DR1: variants seen among roughly 807,000 people sequenced by gnomAD.
DR1 encodes the protein down-regulator of transcription 1.
Under a neutral mutation model 19.9 loss-of-function variants are expected in DR1, and 7 were observed. The ratio of observed to expected loss-of-function variants is 0.35; its 90% CI spans 0.20 to 0.66. The LOEUF is 0.66. Ranked by LOEUF, DR1 falls within the 30% of genes least tolerant of loss-of-function variation. The pLI is 0.66. For missense variants in DR1, 98 were observed against 203.7 expected (o/e 0.48, Z 3.16); for synonymous variants, 76 against 72.5 (o/e 1.05, Z -0.24).
Position 93,347,539 on chromosome 1 carries a change from A to G in DR1, c.220+674A>G, listed in dbSNP as rs1414033699. ...GCTTTTATGTCGTTTGCTTTGTTCT[A>G]TTCTGTGGAGATAAGTTTTGAAATC... is the stretch of plus-strand genomic sequence containing the variant. On this transcript the variant is annotated intron_variant, in intron 1 of 2. Transcript: ENST00000370272. Among the ~76,000 whole-genome samples the G allele has an allele frequency of 4.0e-5, 6 of 151,502 alleles. No homozygotes were observed. The South Asian group carries it at 8.3e-4, about 21-fold the overall frequency.
At position 93,346,230 on chromosome 1, in the gene DR1, C is replaced by G. The variant is rs568293928; in HGVS notation, c.-416C>G. On this transcript the variant is annotated 5_prime_UTR_variant, in exon 1 of 3. Transcript: ENST00000370272. ...GGCCTCGGGCTCTATAGAGCCGAGC[C>G]CGCTGGGTACCCGCCCGGTACCGCG... The G allele has an allele frequency of 3.9e-5, 9 of 230,618 alleles. 1 individual carries two copies. In the South Asian group the frequency reaches 4.4e-4, roughly 11 times the overall value. The allele number at this position is 230,618 out of a possible 1,614,324, so 14.3% of individuals were successfully genotyped here. A position where few individuals can be genotyped will look rare whatever the true frequency, so the allele number is the denominator to read the frequency against.
At position 93,367,628 on chromosome 1, in the gene DR1, C is replaced by G. The variant is rs1448791988; in HGVS notation, c.*6989C>G. 3 of 152,138 alleles carry G rather than the reference C, an allele frequency of 2.0e-5. No individual in the cohort carries two copies. The highest frequency in any genetic ancestry group is 4.4e-5 in the Non-Finnish European group (3 of 68,052). The allele number at this position is 152,138 out of a possible 1,614,324, so 9.4% of individuals were successfully genotyped here. On this transcript the variant is annotated 3_prime_UTR_variant, in exon 3 of 3. Transcript: ENST00000370272. ...GGGAATTGAGAAGAAACCAGAATAC[C>G]CAGAGAAAACTCATGCAGATATGTG...
At chr1:93,354,534 G>A (rs768873470) in intron 2 of DR1, among the ~76,000 whole-genome samples, 52 of 152,122 alleles carry the variant, frequency 3.4e-4, no homozygotes, top group Admixed American at 9.2e-4. Flanking sequence ...GGGAGAAAAT[G>A]TCTTCTTCCT....
chr1:93,364,190 T>C lies in DR1; in HGVS notation c.*3551T>C, dbSNP rs1057431210. The C allele has an allele frequency of 6.6e-6, 1 of 152,206 alleles. No individual in the cohort carries two copies. Among genetic ancestry groups the C allele is most frequent in the Non-Finnish European group, 1.5e-5 (1 of 68,030 alleles). 9.4% of individuals were successfully genotyped at this position (152,206 alleles called of 1,614,324 possible). A position where few individuals can be genotyped will look rare whatever the true frequency, so the allele number is the denominator to read the frequency against. On this transcript the variant is annotated 3_prime_UTR_variant, in exon 3 of 3. Transcript: ENST00000370272. ...CACCTAAATTGTACCAAATGAGTTA[T>C]ATTGCAGCAGGTATGTTGTTAATTT...
In DR1 at chr1:93,346,657, G is replaced by C. The variant is rs1242437794; in HGVS notation, c.12G>C (p.Ser4=). Residue 4 remains serine (S), a synonymous_variant, in exon 1 of 3, where the codon TCG becomes TCC. Transcript: ENST00000370272. ...AACAGGAAGGTACTATGGCTTCCTC[G>C]TCTGGCAACGATGATGATCTCACTA... The part of the protein sequence containing the change: MAS[S]SGNDDDLTIP... 2 of 1,613,822 alleles carry C rather than the reference G, an allele frequency of 1.2e-6. No individual in the cohort carries two copies. Among genetic ancestry groups the C allele is most frequent in the South Asian group, 2.2e-5 (2 of 91,068 alleles).
At chr1:93,358,573 T>C (rs1289402233) in intron 2 of DR1, among the ~76,000 whole-genome samples, 1 of 152,210 alleles carries the variant, frequency 6.6e-6, no homozygotes, top group Non-Finnish European at 1.5e-5. Context: ...AGCGCAGATA[T>C]ATTAGTACTA....
chr1:93,359,364 C>CT (rs1374517064), intron 2 of DR1, among the ~76,000 whole-genome samples: 3 of 152,072 alleles, frequency 2.0e-5, no homozygotes, highest in Non-Finnish European at 2.9e-5. Context: ...GAAACAATCT[C>CT]TATTCTCAAG....
In DR1 at chr1:93,346,174, C is replaced by T. The variant is rs1043283615; in HGVS notation, c.-472C>T. On this transcript the variant is annotated 5_prime_UTR_variant, in exon 1 of 3. In the 5' UTR this introduces an upstream ATG that the reference lacks. Transcript: ENST00000370272. ...GATGGTTTGGCCGAGGCGGCGGCAA[C>T]GGCTGCTGGCGGCGGCGGCAGCGGC... 12 of 223,316 alleles carry T rather than the reference C, an allele frequency of 5.4e-5. No homozygotes were observed. The highest frequency in any genetic ancestry group is 9.9e-5 in the South Asian group (2 of 20,102). 13.8% of individuals were successfully genotyped at this position (223,316 alleles called of 1,614,324 possible).
At chr1:93,356,323 C>T (rs12120227) in intron 2 of DR1, among the ~76,000 whole-genome samples, 210 of 151,896 alleles carry the variant, frequency 1.4e-3, no homozygotes, top group Admixed American at 3.6e-3. Flanking sequence ...CACACTTCAG[C>T]CTAGAACTCC....
rs1666849015 is a variant in DR1, at chr1:93,346,729, T to A, written c.84T>A (p.Asn28Lys). 6.2e-7 allele frequency: 1 copy of A among 1,614,014 alleles called. No homozygotes were observed. ...INKMIKETLPNVRVANDAREL... is the reference protein window; with the variant it reads ...INKMIKETLPKVRVANDAREL... ...AAATGATCAAAGAGACTCTTCCTAA[T>A]GTCCGGGTGGCCAACGATGCTCGAG... The change falls in exon 1 of 3, where the codon AAT (asparagine) becomes AAA (lysine). Residue 28 changes from asparagine to lysine, a missense_variant. Asn to Lys is a moderately conservative substitution (Grantham distance 94). Coordinates refer to ENST00000370272, the MANE Select transcript of DR1 (RefSeq NM_001938.3).
intron 2 of DR1, chr1:93,355,213 A>T (rs1044209923): frequency 9.2e-5 from 14 of 152,198 alleles, no homozygotes; most frequent in African/African-American, 2.9e-4. Flanking sequence ...TATGAAATAT[A>T]AATTTTATTG....
chr1:93,353,332 G>A (rs1325640090), intron 1 of DR1, among the ~76,000 whole-genome samples: 1 of 151,790 alleles, frequency 6.6e-6, no homozygotes. Context: ...TATTTTTCCT[G>A]TTAAGTTTTA....
At position 93,346,360 on chromosome 1, in the gene DR1, C is replaced by G. The variant is rs3087457; in HGVS notation, c.-286C>G. 1.1e-5 allele frequency: 5 copies of G among 438,600 alleles called. No individual in the cohort carries two copies. The highest frequency in any genetic ancestry group is 8.0e-5 in the African/African-American group (4 of 50,122). The allele number at this position is 438,600 out of a possible 1,614,324, so 27.2% of individuals were successfully genotyped here. A position where few individuals can be genotyped will look rare whatever the true frequency, so the allele number is the denominator to read the frequency against. ...GGAGACACGAAGGTGGTTCCCCAGCCGCTCAAATTTCCGGACCACCGCGCT... is the reference window on the plus strand; with the variant it reads ...GGAGACACGAAGGTGGTTCCCCAGCGGCTCAAATTTCCGGACCACCGCGCT... On this transcript the variant is annotated 5_prime_UTR_variant, in exon 1 of 3. Coordinates refer to ENST00000370272, the MANE Select transcript of DR1 (RefSeq NM_001938.3).
Position 93,361,707 on chromosome 1 carries a change from G to C in DR1, c.*1068G>C, listed in dbSNP as rs187544424. The C allele has an allele frequency of 6.6e-6, 1 of 152,470 alleles. No homozygotes were observed. Among genetic ancestry groups the C allele is most frequent in the East Asian group, 1.9e-4 (1 of 5,190 alleles). The allele number at this position is 152,470 out of a possible 1,614,324, so 9.4% of individuals were successfully genotyped here. A position where few individuals can be genotyped will look rare whatever the true frequency, so the allele number is the denominator to read the frequency against. ...TTATTGTCTCCATAATTGAGTGATAGCTTTAAAAAAAAGATTAGTTTTGCT... is the reference window on the plus strand; with the variant it reads ...TTATTGTCTCCATAATTGAGTGATACCTTTAAAAAAAAGATTAGTTTTGCT... On this transcript the variant is annotated 3_prime_UTR_variant, in exon 3 of 3. Transcript: ENST00000370272.
chr1:93,346,991 T>C, intron 1 of DR1, 126 bp downstream of exon 1: 2 of 837,312 alleles, frequency 2.4e-6, no homozygotes, highest in Non-Finnish European at 3.7e-6. Flanking sequence ...AAAGCCAGAC[T>C]GGCATGTAGG....
chr1:93,347,586 GT>G (rs922641707), intron 1 of DR1, among the ~76,000 whole-genome samples: 16 of 148,660 alleles, frequency 1.1e-4, no homozygotes, highest in East Asian at 9.8e-4. Context: ...GTTTATGCAA[GT>G]TTTTTTTTTA....
rs752397228 is a variant in DR1, at chr1:93,368,406, CAG to C, written c.*7771_*7772del. The C allele has an allele frequency of 1.1e-4, 16 of 152,186 alleles. No homozygotes were observed. The highest frequency in any genetic ancestry group is 2.1e-4 in the Non-Finnish European group (14 of 68,016). The allele number at this position is 152,186 out of a possible 1,614,324, so 9.4% of individuals were successfully genotyped here. A position where few individuals can be genotyped will look rare whatever the true frequency, so the allele number is the denominator to read the frequency against. Reference sequence around the variant, plus strand: ...GCCAGAATAAGTTTTTAATGTGAATCAGAGATTTTTATTAGGAATTGGGAGTG... The same window carrying C: ...GCCAGAATAAGTTTTTAATGTGAATCAGATTTTTATTAGGAATTGGGAGTG... On this transcript the variant is annotated 3_prime_UTR_variant, in exon 3 of 3. Transcript: ENST00000370272.
chr1:93,355,355 A>G (rs1666966912), intron 2 of DR1: 1 of 152,218 alleles, frequency 6.6e-6, no homozygotes, highest in Non-Finnish European at 1.5e-5. Flanking sequence ...TAGGCTTACA[A>G]GAGTGAACAA....
At chr1:93,347,797 A>G (rs1666870873) in intron 1 of DR1, among the ~76,000 whole-genome samples, 1 of 152,146 alleles carries the variant, frequency 6.6e-6, no homozygotes, top group East Asian at 1.9e-4. Context: ...ATGTTTCGGG[A>G]ACGTACCTTT....
Sources: allele counts gnomAD v4.1 joint callset (sites outside exome capture counted in the v4.1 genomes callset), GRCh38; gene constraint gnomAD v4.1.1; transcripts MANE v1.5; gene names NCBI Gene and HGNC (gene_info 2026-07-23, HGNC 2026-07-21).